RTN4R: variants seen among roughly 807,000 people sequenced by gnomAD.
RTN4R encodes the protein reticulon 4 receptor.
A neutral mutation model predicts 27.7 loss-of-function variants in RTN4R; 4 were observed. The ratio of observed to expected loss-of-function variants is 0.14; its 90% CI spans 0.07 to 0.33. The LOEUF (loss-of-function observed/expected upper bound fraction) is 0.33, where lower values mean the gene tolerates loss of function less well. Among genes scored for constraint, RTN4R ranks in the 10% least tolerant of loss-of-function variants. RTN4R has a pLI of 1.00. For synonymous variants in RTN4R, 290 were observed against 305.6 expected, an observed-to-expected ratio of 0.95 and a Z score of 0.53; for missense variants, 554 against 671.5, an observed-to-expected ratio of 0.83 and a Z score of 1.93.
At chr22:20,248,793 C>T (rs764481045) in intron 1 of RTN4R, among the ~76,000 whole-genome samples, 1 of 152,208 alleles carries the variant, frequency 6.6e-6, no homozygotes, top group Non-Finnish European at 1.5e-5. Context: ...AGCCCACTAC[C>T]AGCCAAAGGG....
In RTN4R at chr22:20,242,537, C is replaced by G; in HGVS notation, c.596G>C (p.Arg199Pro). Residue 199 changes from arginine to proline, a missense_variant, in exon 2 of 2, where the codon CGT becomes CCT. Coordinates refer to ENST00000043402, the MANE Select transcript of RTN4R (RefSeq NM_023004.6). ...RISSVPERAFRGLHSLDRLLL... is the reference protein window; with the variant it reads ...RISSVPERAFPGLHSLDRLLL... Reference sequence around the variant, plus strand: ...GAGACGGTCGAGGCTGTGCAGCCCACGGAAGGCGCGCTCGGGCACGCTGGA... The same window carrying G: ...GAGACGGTCGAGGCTGTGCAGCCCAGGGAAGGCGCGCTCGGGCACGCTGGA... 6.2e-7 allele frequency: 1 copy of G among 1,613,574 alleles called. No homozygotes were observed.
chr22:20,259,408 A>G (rs925876935), intron 1 of RTN4R, among the ~76,000 whole-genome samples: 7 of 152,160 alleles, frequency 4.6e-5, no homozygotes, highest in African/African-American at 1.4e-4. Context: ...ATTGGGGCCG[A>G]GGCAGGGAGA....
rs1465379201 is a variant in RTN4R, at chr22:20,258,154, C to T, written c.22+9917G>A. Among the ~76,000 whole-genome samples, 3 of 152,320 alleles carry T rather than the reference C, an allele frequency of 2.0e-5. No individual in the cohort carries two copies. The South Asian group carries it at 6.2e-4, about 32-fold the overall frequency. On this transcript the variant is annotated intron_variant, in intron 1 of 1. Transcript: ENST00000043402. ...CAAGTTGCAGCCAGGAAGTGCTCTG[C>T]TGGCATCCTACCTGGCCCTGACGCC...
intron 1 of RTN4R, among the ~76,000 whole-genome samples, chr22:20,257,959 G>A (rs149250511): frequency 1.6e-3 from 247 of 152,168 alleles, no homozygotes; most frequent in African/African-American, 5.4e-3. Flanking sequence ...GCCCCCCAAC[G>A]TCTCAGAACT....
Position 20,242,092 on chromosome 22 carries a change from C to T in RTN4R, c.1041G>A (p.Leu347=), listed in dbSNP as rs749419135. ...QPDAADKASV[L]EPGRPASAGN... ...CTGCCGAAGCTGGTCTTCCAGGCTC[C>T]AGTACTGAGGCCTTGTCAGCGGCAT... The change falls in exon 2 of 2, where the codon CTG becomes CTA. Residue 347 remains leucine (L), a synonymous_variant. Transcript: ENST00000043402. 4.3e-6 allele frequency: 7 copies of T among 1,612,460 alleles called. No individual in the cohort carries two copies. In the South Asian group the frequency reaches 5.5e-5, roughly 13 times the overall value.
At chr22:20,244,421 A>C (rs1280203229) in intron 1 of RTN4R, among the ~76,000 whole-genome samples, 1 of 152,150 alleles carries the variant, frequency 6.6e-6, no homozygotes, top group Non-Finnish European at 1.5e-5. Flanking sequence ...ACGCGCAGTG[A>C]CCGCTGGGCA....
intron 1 of RTN4R, among the ~76,000 whole-genome samples, chr22:20,245,998 G>A (rs1468743638): frequency 6.6e-6 from 1 of 152,234 alleles, no homozygotes; most frequent in African/African-American, 2.4e-5. Context: ...CAGCCTCCAA[G>A]CTGCACACAA....
At chr22:20,245,314 C>T (rs2051134135) in intron 1 of RTN4R, among the ~76,000 whole-genome samples, 1 of 152,240 alleles carries the variant, frequency 6.6e-6, no homozygotes, top group Non-Finnish European at 1.5e-5. Flanking sequence ...CTCCTCGCTG[C>T]AGCCATGGTA....
chr22:20,242,155 A>C lies in RTN4R; in HGVS notation c.978T>G (p.Asp326Glu), dbSNP rs1229277173. 1 of 1,612,038 alleles carries C rather than the reference A, an allele frequency of 6.2e-7. No individual in the cohort carries two copies. The highest frequency in any genetic ancestry group is 8.5e-7 in the Non-Finnish European group (1 of 1,179,660). ...YHPIWTGRAT[D>E]EEPLGLPKCC... ...ACTTGGGAAGCCCCAGCGGCTCCTC[A>C]TCGGTGGCCCTGCCGGTCCAGATGG... Residue 326 changes from aspartate to glutamate, a missense_variant, in exon 2 of 2, where the codon GAT becomes GAG. Asp to Glu is a conservative substitution (Grantham distance 45). This residue lies in a region of RTN4R where 413 missense variants were observed against 542.3 expected (regional missense o/e 0.76). Coordinates refer to ENST00000043402, the MANE Select transcript of RTN4R (RefSeq NM_023004.6).
intron 1 of RTN4R, chr22:20,249,311 C>A: frequency 4.2e-6 from 2 of 472,902 alleles, no homozygotes; most frequent in Non-Finnish European, 8.8e-6. Flanking sequence ...CTCCCATGCC[C>A]ATCTGCCTGC....
In RTN4R at chr22:20,249,818, C is replaced by T. The variant is rs568383645; in HGVS notation, c.23-6708G>A. On this transcript the variant is annotated intron_variant, in intron 1 of 1. Coordinates refer to ENST00000043402, the MANE Select transcript of RTN4R (RefSeq NM_023004.6). ...ACCAGGCAGGCGAGCGGCCTCTGTC[C>T]GAGCAGAATTTATTCTGCTGTGAAA... 3.9e-5 allele frequency among the ~76,000 whole-genome samples: 6 copies of T among 152,318 alleles called. No individual in the cohort carries two copies. In the East Asian group the frequency reaches 7.7e-4, roughly 20 times the overall value.
chr22:20,250,098 G>C (rs1437862872), intron 1 of RTN4R, among the ~76,000 whole-genome samples: 1 of 152,226 alleles, frequency 6.6e-6, no homozygotes, highest in African/African-American at 2.4e-5. Context: ...GAATCTAAGA[G>C]GCAGGAGAGG....
chr22:20,245,869 C>T (rs2058641846), intron 1 of RTN4R, among the ~76,000 whole-genome samples: 2 of 152,196 alleles, frequency 1.3e-5, no homozygotes, highest in African/African-American at 4.8e-5. Context: ...GGTGAGCAAC[C>T]AGCCCTGCCA....
At chr22:20,257,974 C>A (rs1486462758) in intron 1 of RTN4R, among the ~76,000 whole-genome samples, 2 of 152,124 alleles carry the variant, frequency 1.3e-5, no homozygotes, top group Non-Finnish European at 2.9e-5. Flanking sequence ...AGAACTGCTT[C>A]CCTCAGTTGG....
At chr22:20,254,030 C>A (rs2051199033) in intron 1 of RTN4R, among the ~76,000 whole-genome samples, 1 of 152,056 alleles carries the variant, frequency 6.6e-6, no homozygotes, top group Non-Finnish European at 1.5e-5. Context: ...CAGAAAACTT[C>A]CCAAAGCTGA....
In RTN4R at chr22:20,242,672, G is replaced by A. The variant is rs751270787; in HGVS notation, c.461C>T (p.Ala154Val). Residue 154 changes from alanine (A) to valine (V), a missense_variant, in exon 2 of 2, where the codon GCT becomes GTT. Ala to Val is a moderately conservative substitution (Grantham distance 64). Around this residue, in one of 2 missense-constraint regions of RTN4R, gnomAD observed 413 missense variants for 542.3 expected, o/e 0.76. Coordinates refer to ENST00000043402, the MANE Select transcript of RTN4R (RefSeq NM_023004.6). ...ELGPGLFRGLAALQYLYLQDN... is the reference protein window; with the variant it reads ...ELGPGLFRGLVALQYLYLQDN... ...CTGCAGGTAGAGGTACTGCAGGGCA[G>A]CCAGGCCGCGGAACAGCCCCGGGCC... 2 of 1,612,386 alleles carry A rather than the reference G, an allele frequency of 1.2e-6. No homozygotes were observed. The highest frequency in any genetic ancestry group is 1.1e-5 in the South Asian group (1 of 91,050).
Position 20,241,714 on chromosome 22 carries a change from G to C in RTN4R, c.1419C>G (p.Cys473Trp). The change falls in exon 2 of 2, where the codon TGC becomes TGG. Residue 473 changes from cysteine to tryptophan, a missense_variant. Physicochemically the swap from Cys to Trp is radical, Grantham distance 215. Transcript: ENST00000043402. ...ALVLWTVLGP[C>W] ...ACGCTCTTGTGTCCGCTGGGGGTCA[G>C]CAGGGCCCAAGCACTGTCCACAGCA... 6.5e-7 allele frequency: 1 copy of C among 1,549,732 alleles called. No homozygotes were observed. Among genetic ancestry groups the C allele is most frequent in the Non-Finnish European group, 8.7e-7 (1 of 1,146,814 alleles).
chr22:20,252,360 G>A (rs978621135), intron 1 of RTN4R, among the ~76,000 whole-genome samples: 2 of 152,240 alleles, frequency 1.3e-5, no homozygotes, highest in African/African-American at 4.8e-5. Context: ...AAGAGGACAA[G>A]GGATGGGGAG....
chr22:20,261,183 T>C (rs2051244375), intron 1 of RTN4R, among the ~76,000 whole-genome samples: 1 of 152,102 alleles, frequency 6.6e-6, no homozygotes, highest in Non-Finnish European at 1.5e-5. Flanking sequence ...CCATCCTCAC[T>C]GGCCACATGG....
Sources: allele counts gnomAD v4.1 joint callset (sites outside exome capture counted in the v4.1 genomes callset), GRCh38; gene constraint gnomAD v4.1.1; regional missense constraint gnomAD v4.1.1; transcripts MANE v1.5; gene names NCBI Gene and HGNC (gene_info 2026-07-23, HGNC 2026-07-21).